CBY1: variants seen among roughly 807,000 people sequenced by gnomAD.
CBY1 encodes the protein protein chibby homolog 1.
In CBY1, 10 loss-of-function variants were observed where a neutral mutation model predicts 15.6. The observed-to-expected ratio is 0.64, with a 90% CI of 0.40 to 1.09. The LOEUF is 1.09. CBY1 is among the 50% of genes least tolerant of loss of function. The pLI is 0.01. For synonymous variants in CBY1, 61 were observed against 63.5 expected, an observed-to-expected ratio of 0.96 and a Z score of 0.19; for missense variants, 150 against 160.5, an observed-to-expected ratio of 0.93 and a Z score of 0.35.
chr22:38,670,293 G>A (rs1200590699), intron 2 of CBY1: 1 of 152,260 alleles, frequency 6.6e-6, no homozygotes, highest in Non-Finnish European at 1.5e-5. Flanking sequence ...CTATTCAGAG[G>A]CCGAGATGGG....
chr22:38,667,932 T>A (rs138322885), intron 1 of CBY1, 85 bp from the exon 2 acceptor site: 1 of 697,608 alleles, frequency 1.4e-6, no homozygotes. Context: ...AGCCACATGA[T>A]AAAATGTATG....
chr22:38,666,281 A>G (rs2145783493), intron 1 of CBY1, among the ~76,000 whole-genome samples: 1 of 141,938 alleles, frequency 7.0e-6, no homozygotes, highest in East Asian at 2.1e-4. Context: ...GGCCCTGCTA[A>G]GTTGCCCAGG....
chr22:38,667,948 A>G lies in CBY1; in HGVS notation c.-38-69A>G, dbSNP rs919628966. 4 of 793,160 alleles carry G rather than the reference A, an allele frequency of 5.0e-6. No individual in the cohort carries two copies. The African/African-American group carries it at 6.9e-5, about 14-fold the overall frequency. 49.1% of individuals were successfully genotyped at this position (793,160 alleles called of 1,614,324 possible). On this transcript the variant is annotated intron_variant, in intron 1 of 4. Transcript: ENST00000216029. ...GCCACATGATAAAATGTATGTCTTC[A>G]AGATTTGAAGACAATGGCATAAGGT...
intron 1 of CBY1, among the ~76,000 whole-genome samples, chr22:38,661,227 G>T: frequency 6.6e-6 from 1 of 152,122 alleles, no homozygotes; most frequent in Admixed American, 6.6e-5. Context: ...AGGCTGGAGC[G>T]CAGTGGTGTG....
intron 2 of CBY1, among the ~76,000 whole-genome samples, chr22:38,669,449 A>G (rs768744042): frequency 1.3e-5 from 2 of 152,228 alleles, no homozygotes; most frequent in Non-Finnish European, 2.9e-5. Flanking sequence ...AGCACTGGGC[A>G]TGCAGAAGTG....
chr22:38,658,318 GT>G (rs558138089), intron 1 of CBY1, among the ~76,000 whole-genome samples: 21 of 151,792 alleles, frequency 1.4e-4, no homozygotes, highest in Non-Finnish European at 2.9e-4. Context: ...TAGAAACAGG[GT>G]TTCACCATGT....
At chr22:38,668,286 T>A in intron 2 of CBY1, 154 bp downstream of exon 2, 1 of 569,602 alleles carries the variant, frequency 1.8e-6, no homozygotes, top group African/African-American at 1.9e-5. Context: ...TTTTGAACTC[T>A]TGTTTGGGAA....
chr22:38,667,313 CT>C (rs998646468), intron 1 of CBY1, among the ~76,000 whole-genome samples: 20 of 148,318 alleles, frequency 1.3e-4, no homozygotes, highest in East Asian at 2.0e-4. Flanking sequence ...GCCAGGCTAA[CT>C]TTTTTTTTTT....
chr22:38,659,608 G>A (rs62229988), intron 1 of CBY1, among the ~76,000 whole-genome samples: 44,280 of 151,666 alleles, frequency 0.29, 6,536 homozygotes, highest in Middle Eastern at 0.33. Flanking sequence ...CACACCTGTC[G>A]TCCCAGCACT....
intron 1 of CBY1, among the ~76,000 whole-genome samples, chr22:38,662,037 C>T (rs1184136097): frequency 1.3e-5 from 2 of 152,124 alleles, no homozygotes; most frequent in Non-Finnish European, 2.9e-5. Flanking sequence ...CGTGGTGGCT[C>T]AGGCCTGTAA....
At position 38,670,927 on chromosome 22, in the gene CBY1, G is replaced by T. The variant is rs748236307; in HGVS notation, c.122G>T (p.Gly41Val). 2.6e-4 allele frequency: 414 copies of T among 1,614,088 alleles called. No homozygotes were observed. In the Admixed American group the frequency reaches 6.8e-3, roughly 27 times the overall value. Residue 41 changes from glycine (G) to valine (V), a missense_variant, in exon 3 of 5, where the codon GGA (glycine) becomes GTA (valine). Gly to Val is a moderately radical substitution (Grantham distance 109). Coordinates refer to ENST00000216029, the MANE Select transcript of CBY1 (RefSeq NM_015373.4). ...GAGGTGGAGCTGGGCTTGGAATACGGATCCCCGACTATGAACCTGGCAGGG... is the reference window on the plus strand; with the variant it reads ...GAGGTGGAGCTGGGCTTGGAATACGTATCCCCGACTATGAACCTGGCAGGG... ...TREVELGLEY[G>V]SPTMNLAGQS...
At chr22:38,661,566 C>T (rs1034355922) in intron 1 of CBY1, among the ~76,000 whole-genome samples, 6 of 152,214 alleles carry the variant, frequency 3.9e-5, no homozygotes, top group Admixed American at 3.3e-4. Flanking sequence ...TATACATATA[C>T]TTATGTATTG....
At chr22:38,658,270 C>T (rs2092409159) in intron 1 of CBY1, among the ~76,000 whole-genome samples, 1 of 150,626 alleles carries the variant, frequency 6.6e-6, no homozygotes, top group African/African-American at 2.4e-5. Flanking sequence ...GGACAACTGG[C>T]GCACACCACC....
At chr22:38,660,110 A>T (rs2092417877) in intron 1 of CBY1, among the ~76,000 whole-genome samples, 1 of 152,026 alleles carries the variant, frequency 6.6e-6, no homozygotes, top group Admixed American at 6.6e-5. Context: ...CAGTAATAAC[A>T]GTGTCTTTTT....
At position 38,673,339 on chromosome 22, in the gene CBY1, C is replaced by A; in HGVS notation, c.*103C>A. ...GGAAGAGAGTATCATATAATGAGAC[C>A]CACAGGCACTGGCACCCTTGGGTTG... On this transcript the variant is annotated 3_prime_UTR_variant, in exon 5 of 5. Transcript: ENST00000216029. 1 of 721,046 alleles carries A rather than the reference C, an allele frequency of 1.4e-6. No individual in the cohort carries two copies. Among genetic ancestry groups the A allele is most frequent in the Non-Finnish European group, 2.5e-6 (1 of 404,016 alleles). 44.7% of individuals were successfully genotyped at this position (721,046 alleles called of 1,614,324 possible).
chr22:38,673,165 G>A lies in CBY1; in HGVS notation c.310G>A (p.Glu104Lys), dbSNP rs1444562281. 6.2e-7 allele frequency: 1 copy of A among 1,610,512 alleles called. No homozygotes were observed. The highest frequency in any genetic ancestry group is 1.3e-5 in the African/African-American group (1 of 74,964). The change falls in exon 5 of 5, where the codon GAG becomes AAG. Residue 104 changes from glutamate (E) to lysine (K), a missense_variant. Physicochemically the swap from Glu to Lys is moderately conservative, Grantham distance 56. Coordinates refer to ENST00000216029, the MANE Select transcript of CBY1 (RefSeq NM_015373.4). ...GCCGCTGCTTCACTTTCAGCTTTCA[G>A]AGTCCACTGCTGAATCCCACTTAAT... ...KVDILLDMLSESTAESHLMEK... is the reference protein window; with the variant it reads ...KVDILLDMLSKSTAESHLMEK...
chr22:38,657,886 A>T (rs2092405922), intron 1 of CBY1, among the ~76,000 whole-genome samples: 1 of 152,102 alleles, frequency 6.6e-6, no homozygotes, highest in Non-Finnish European at 1.5e-5. Flanking sequence ...GCTGCTTCTT[A>T]ACTGTGTTTT....
intron 1 of CBY1, among the ~76,000 whole-genome samples, chr22:38,657,401 G>A (rs2092402908): frequency 6.6e-6 from 1 of 152,208 alleles, no homozygotes; most frequent in Non-Finnish European, 1.5e-5. Flanking sequence ...CCCACTGTGG[G>A]TGAGCCGCAG....
At chr22:38,667,839 C>T (rs2092441381) in intron 1 of CBY1, 178 bp from the exon 2 acceptor site, 4 of 584,390 alleles carry the variant, frequency 6.8e-6, no homozygotes, top group Non-Finnish European at 9.2e-6. Context: ...CCCAGTCACC[C>T]CTTATACTGT....
Sources: gnomAD v4.1 joint callset for allele counts (sites outside exome capture counted in the v4.1 genomes callset) on GRCh38, gnomAD v4.1.1 for gene constraint, MANE v1.5 for transcripts, NCBI Gene and HGNC (gene_info 2026-07-23, HGNC 2026-07-21) for gene names.